NYAP2: variants seen among roughly 807,000 people sequenced by gnomAD.
The protein encoded by NYAP2 is neuronal tyrosine-phosphorylated phosphoinositide-3-kinase adaptor 2, also known as neuronal tyrosine-phosphorylated phosphoinositide-3-kinase adapter 2.
In NYAP2, 23 loss-of-function variants were observed where a neutral mutation model predicts 50.4. That is an observed-to-expected ratio of 0.46 (90% CI 0.33 to 0.65). The LOEUF (loss-of-function observed/expected upper bound fraction) is 0.65, where lower values mean the gene tolerates loss of function less well. NYAP2 is among the 30% of genes least tolerant of loss of function. The pLI is 0.02. For synonymous variants in NYAP2, 394 were observed against 365.2 expected, an observed-to-expected ratio of 1.08 and a Z score of -0.90; for missense variants, 885 against 861.0, an observed-to-expected ratio of 1.03 and a Z score of -0.35.
chr2:225,578,011 A>C (rs987841470), intron 4 of NYAP2, among the ~76,000 whole-genome samples: 3 of 151,980 alleles, frequency 2.0e-5, no homozygotes, highest in African/African-American at 7.2e-5. Context: ...GGGTCACTGC[A>C]ACTTCTGCCT....
the NYAP2 span, among the ~76,000 whole-genome samples, chr2:225,693,571 A>T: frequency 6.6e-6 from 1 of 152,058 alleles, no homozygotes; most frequent in Non-Finnish European, 1.5e-5. Flanking sequence ...GGAAACTGAG[A>T]AGTCCAAGAC....
At chr2:225,522,367 A>T (rs565349637) in intron 4 of NYAP2, among the ~76,000 whole-genome samples, 1 of 152,082 alleles carries the variant, frequency 6.6e-6, no homozygotes, top group Non-Finnish European at 1.5e-5. Context: ...AGTTCTCCTG[A>T]TTTCTGATTT....
At chr2:225,556,834 T>TTAGTATAAA (rs1443198005) in intron 4 of NYAP2, among the ~76,000 whole-genome samples, 1 of 152,192 alleles carries the variant, frequency 6.6e-6, no homozygotes, top group East Asian at 1.9e-4. Flanking sequence ...GTATTAGTGA[T>TTAGTATAAA]ACTAATGATT....
At chr2:225,526,647 G>T (rs1217861536) in intron 4 of NYAP2, among the ~76,000 whole-genome samples, 2 of 152,122 alleles carry the variant, frequency 1.3e-5, no homozygotes, top group African/African-American at 4.8e-5. Flanking sequence ...GCTGCAACTT[G>T]CCTTGTTAAT....
chr2:225,413,729 C>T (rs1490697377), intron 3 of NYAP2, among the ~76,000 whole-genome samples: 2 of 152,126 alleles, frequency 1.3e-5, no homozygotes, highest in Non-Finnish European at 2.9e-5. Flanking sequence ...ATGCAATTTA[C>T]ATTGAGTAGA....
intron 3 of NYAP2, among the ~76,000 whole-genome samples, chr2:225,496,102 G>A (rs1690500558): frequency 6.6e-6 from 1 of 152,202 alleles, no homozygotes; most frequent in Non-Finnish European, 1.5e-5. Flanking sequence ...GAGAAACACA[G>A]AAAAGATTGC....
At chr2:225,605,496 T>C (rs1409257265) in intron 5 of NYAP2, among the ~76,000 whole-genome samples, 1 of 152,152 alleles carries the variant, frequency 6.6e-6, no homozygotes, top group African/African-American at 2.4e-5. Context: ...CTGCTGGTTT[T>C]CTTTTCATTT....
exon 7 of NYAP2, chr2:225,651,940 T>C (rs1257036584): frequency 5.7e-6 from 1 of 175,028 alleles, no homozygotes; most frequent in East Asian, 1.7e-4. Context: ...ATCTACTTTG[T>C]TTTATGTAGA....
At chr2:225,468,900 A>G (rs761941322) in intron 3 of NYAP2, among the ~76,000 whole-genome samples, 1 of 152,352 alleles carries the variant, frequency 6.6e-6, no homozygotes, top group South Asian at 2.1e-4. Flanking sequence ...TAGCCTTGCC[A>G]TTAAGAATTT....
intron 3 of NYAP2, among the ~76,000 whole-genome samples, chr2:225,435,450 A>T (rs1335477827): frequency 6.6e-6 from 1 of 152,198 alleles, no homozygotes; most frequent in East Asian, 1.9e-4. Context: ...ACTTCAAAAG[A>T]AGTCATCAAA....
At position 225,429,851 on chromosome 2, in the gene NYAP2, C is replaced by A. The variant is rs188789767; in HGVS notation, c.221+20750C>A. Among the ~76,000 whole-genome samples, 119 of 152,270 alleles carry A rather than the reference C, an allele frequency of 7.8e-4. 1 individual carries two copies. The highest frequency in any genetic ancestry group is 2.6e-4 in the Non-Finnish European group (18 of 68,014). ...ATATCAGGAAAAAAAGCATCAGTTG[C>A]ACACTATGTACTTACCATGGCAACC... On this transcript the variant is annotated intron_variant, in intron 3 of 6. Coordinates refer to ENST00000636099, the Ensembl canonical transcript of NYAP2.
At chr2:225,577,606 T>C (rs548328179) in intron 4 of NYAP2, among the ~76,000 whole-genome samples, 19 of 152,294 alleles carry the variant, frequency 1.2e-4, no homozygotes, top group Admixed American at 2.6e-4. Flanking sequence ...TTCATTGTTA[T>C]ATAAATTATT....
At chr2:225,500,653 A>G (rs1225247390) in intron 3 of NYAP2, among the ~76,000 whole-genome samples, 2 of 152,222 alleles carry the variant, frequency 1.3e-5, no homozygotes, top group South Asian at 2.1e-4. Flanking sequence ...GAAGAAGCAC[A>G]TATTACAAAT....
At chr2:225,671,145 A>C in the NYAP2 span, among the ~76,000 whole-genome samples, 1 of 152,118 alleles carries the variant, frequency 6.6e-6, no homozygotes. Context: ...CTTTTACAAA[A>C]GATTCCTCTG....
intron 4 of NYAP2, among the ~76,000 whole-genome samples, chr2:225,545,813 T>C (rs1313117925): frequency 6.6e-6 from 1 of 152,164 alleles, no homozygotes; most frequent in Non-Finnish European, 1.5e-5. Flanking sequence ...CAGTCCGGGC[T>C]TGTTTGTGCC....
intron 3 of NYAP2, among the ~76,000 whole-genome samples, chr2:225,474,394 C>T (rs1396479797): frequency 2.0e-5 from 3 of 152,118 alleles, no homozygotes; most frequent in Non-Finnish European, 4.4e-5. Context: ...TATAAATTAC[C>T]TTGGGCAGTT....
intron 3 of NYAP2, among the ~76,000 whole-genome samples, chr2:225,473,463 A>G (rs1302622989): frequency 6.6e-6 from 1 of 152,240 alleles, no homozygotes; most frequent in African/African-American, 2.4e-5. Flanking sequence ...CATCCTCTCC[A>G]GCACCTGTTG....
At chr2:225,514,801 G>T (rs1310344506) in intron 4 of NYAP2, among the ~76,000 whole-genome samples, 2 of 152,160 alleles carry the variant, frequency 1.3e-5, no homozygotes, top group Non-Finnish European at 2.9e-5. Flanking sequence ...AGGTCCCATA[G>T]CTTCTCTTCT....
At chr2:225,574,698 C>T (rs74998762) in intron 4 of NYAP2, among the ~76,000 whole-genome samples, 1 of 151,632 alleles carries the variant, frequency 6.6e-6, no homozygotes, top group Non-Finnish European at 1.5e-5. Context: ...AGATGAAAGA[C>T]AGAACTACAA....
Sources: allele counts gnomAD v4.1 joint callset (sites outside exome capture counted in the v4.1 genomes callset), GRCh38; gene constraint gnomAD v4.1.1; transcripts MANE v1.5; gene names NCBI Gene and HGNC (gene_info 2026-07-23, HGNC 2026-07-21).